PAX7: variants seen among roughly 807,000 people sequenced by gnomAD.
The protein encoded by PAX7 is paired box protein Pax-7.
PAX7 carries 18 observed loss-of-function variants against 50.7 expected under a neutral mutation model. The observed-to-expected ratio is 0.36, with a 90% CI of 0.25 to 0.53. The LOEUF (loss-of-function observed/expected upper bound fraction) is 0.53. Among genes scored for constraint, PAX7 ranks in the 20% least tolerant of loss-of-function variants. The pLI is 0.93. For synonymous variants in PAX7, 310 were observed against 290.4 expected (o/e 1.07, Z -0.69); for missense variants, 644 against 702.9 (o/e 0.92, Z 0.95).
At chr1:18,725,289 C>T (rs1304640921) in intron 7 of PAX7, among the ~76,000 whole-genome samples, 1 of 129,592 alleles carries the variant, frequency 7.7e-6, no homozygotes, top group Non-Finnish European at 1.6e-5. Flanking sequence ...CCACCAATTA[C>T]AGAGGTGGAG....
intron 4 of PAX7, among the ~76,000 whole-genome samples, chr1:18,653,187 A>ATT (rs5772811): frequency 7.0e-6 from 1 of 143,370 alleles, no homozygotes; most frequent in African/African-American, 2.6e-5. Flanking sequence ...GGTTTTTTTC[A>ATT]TTTTTTTTTT....
At chr1:18,651,074 T>C (rs2088423332) in intron 4 of PAX7, among the ~76,000 whole-genome samples, 1 of 152,080 alleles carries the variant, frequency 6.6e-6, no homozygotes, top group South Asian at 2.1e-4. Flanking sequence ...AGACCCAGGT[T>C]CCTCCCCATT....
At chr1:18,716,402 A>G (rs1366747811) in intron 7 of PAX7, among the ~76,000 whole-genome samples, 8 of 148,010 alleles carry the variant, frequency 5.4e-5, no homozygotes, top group Admixed American at 2.7e-4. Flanking sequence ...CCTGCCTTTC[A>G]CTTTCTCCTC....
intron 4 of PAX7, among the ~76,000 whole-genome samples, chr1:18,656,351 T>C (rs2088520768): frequency 6.6e-6 from 1 of 151,642 alleles, no homozygotes; most frequent in Admixed American, 6.6e-5. Context: ...AAAAACAAAT[T>C]AGCCAGGTGA....
intron 5 of PAX7, among the ~76,000 whole-genome samples, chr1:18,696,861 C>T (rs1305698854): frequency 1.3e-5 from 2 of 151,812 alleles, no homozygotes; most frequent in Admixed American, 6.6e-5. Context: ...TGACTATAGT[C>T]AATAATAAGT....
At chr1:18,637,890 G>A (rs1333203239) in intron 4 of PAX7, among the ~76,000 whole-genome samples, 1 of 152,246 alleles carries the variant, frequency 6.6e-6, no homozygotes, top group Non-Finnish European at 1.5e-5. Flanking sequence ...CCTGCCGAGG[G>A]GCCACGGGTC....
chr1:18,735,872 G>A lies in PAX7; in HGVS notation c.1396G>A (p.Gly466Ser), dbSNP rs574538588. The A allele has an allele frequency of 3.0e-5, 48 of 1,614,114 alleles. No individual in the cohort carries two copies. The highest frequency in any genetic ancestry group is 3.0e-4 in the South Asian group (27 of 91,080). Residue 466 changes from glycine (G) to serine (S), a missense_variant, in exon 8 of 9, where the codon GGC (glycine) becomes AGC (serine). Transcript: ENST00000420770. This position sits in a 1 kb window ranked among gnomAD's most constrained non-coding sequence, Gnocchi z 4.0. ...PVAGYQYGQYGQTAVDYLAKN... is the reference protein window; with the variant it reads ...PVAGYQYGQYSQTAVDYLAKN... ...GGCCGGCTATCAGTACGGCCAGTAC[G>A]GCCAGAGTGAGTGCCTGGTGCCCTG... is the stretch of plus-strand genomic sequence containing the variant.
intron 4 of PAX7, among the ~76,000 whole-genome samples, chr1:18,672,767 G>A (rs1452799888): frequency 1.3e-5 from 2 of 151,828 alleles, no homozygotes; most frequent in East Asian, 1.9e-4. Flanking sequence ...TACCACGCCC[G>A]GCTAATTTTT....
intron 4 of PAX7, among the ~76,000 whole-genome samples, chr1:18,637,789 C>T (rs902253580): frequency 6.6e-6 from 1 of 152,278 alleles, no homozygotes; most frequent in Non-Finnish European, 1.5e-5. Context: ...CATTGACAGA[C>T]AGGGCCCCTA....
intron 7 of PAX7, among the ~76,000 whole-genome samples, chr1:18,733,677 T>TC (rs1004587248): frequency 6.6e-6 from 1 of 151,828 alleles, no homozygotes; most frequent in Non-Finnish European, 1.5e-5. Flanking sequence ...GACCTAAGCT[T>TC]CCCCCAGAGC....
At chr1:18,688,114 C>T (rs944400346) in intron 4 of PAX7, among the ~76,000 whole-genome samples, 4 of 152,212 alleles carry the variant, frequency 2.6e-5, no homozygotes, top group African/African-American at 9.6e-5. Flanking sequence ...AACTCTATAT[C>T]TTGTCCTATT....
chr1:18,663,741 C>T (rs114076075), intron 4 of PAX7, among the ~76,000 whole-genome samples: 1,849 of 152,296 alleles, frequency 0.012, 17 homozygotes, highest in South Asian at 0.022. Flanking sequence ...ATTTGGGGTA[C>T]GTGGAGGAAC....
chr1:18,744,955 C>A lies in PAX7; in HGVS notation c.*26C>A. On this transcript the variant is annotated 3_prime_UTR_variant, in exon 9 of 9. Coordinates refer to ENST00000420770, the MANE Select transcript of PAX7 (RefSeq NM_001135254.2). ...GGCCCCTGGGGCGACTTGCCCCAGCCCAATTCCCAGCCCAACCCTAACTGA... is the reference window on the plus strand; with the variant it reads ...GGCCCCTGGGGCGACTTGCCCCAGCACAATTCCCAGCCCAACCCTAACTGA... The A allele has an allele frequency of 1.5e-6, 2 of 1,341,618 alleles. No individual in the cohort carries two copies. Among genetic ancestry groups the A allele is most frequent in the Non-Finnish European group, 2.1e-6 (2 of 955,830 alleles). The allele number at this position is 1,341,618 out of a possible 1,614,324, so 83.1% of individuals were successfully genotyped here. A position where few individuals can be genotyped will look rare whatever the true frequency, so the allele number is the denominator to read the frequency against.
At chr1:18,663,486 G>A (rs925950393) in intron 4 of PAX7, among the ~76,000 whole-genome samples, 7 of 152,170 alleles carry the variant, frequency 4.6e-5, no homozygotes, top group Non-Finnish European at 4.4e-5. Context: ...ATGTTCAAAC[G>A]ATTCTTGTGC....
At chr1:18,664,698 C>T (rs1351628412) in intron 4 of PAX7, among the ~76,000 whole-genome samples, 2 of 152,078 alleles carry the variant, frequency 1.3e-5, no homozygotes, top group Non-Finnish European at 1.5e-5. Context: ...GAGGCAGGGG[C>T]AGCTTGGGAC....
chr1:18,638,168 T>C (rs953447887), intron 4 of PAX7, among the ~76,000 whole-genome samples: 23 of 152,214 alleles, frequency 1.5e-4, no homozygotes, highest in Admixed American at 1.2e-3. Context: ...GAGACTTTAA[T>C]TGTGTTTGCA....
At position 18,726,792 on chromosome 1, in the gene PAX7, C is replaced by T. The variant is rs1335090326; in HGVS notation, c.1156-8840C>T. On this transcript the variant is annotated intron_variant, in intron 7 of 8. Coordinates refer to ENST00000420770, the MANE Select transcript of PAX7 (RefSeq NM_001135254.2). The surrounding 1 kb of genome is among the most constrained non-coding windows in gnomAD (Gnocchi z 4.8). ...CCCTCTGCTTTCCTCTTCACTCAGA[C>T]AGAGCCGGCCTCATGAGTCTTTCCA... Among the ~76,000 whole-genome samples, 1 of 152,218 alleles carries T rather than the reference C, an allele frequency of 6.6e-6. No homozygotes were observed. Among genetic ancestry groups the T allele is most frequent in the East Asian group, 1.9e-4 (1 of 5,198 alleles).
intron 4 of PAX7, among the ~76,000 whole-genome samples, chr1:18,642,121 CACATT>C (rs1341747559): frequency 6.6e-6 from 1 of 151,144 alleles, no homozygotes; most frequent in African/African-American, 2.4e-5. Context: ...ATAGTTGTCA[CACATT>C]ACATTATATA....
chr1:18,631,728 C>G (rs995314620), intron 1 of PAX7, 40 bp downstream of exon 1: 1 of 1,541,520 alleles, frequency 6.5e-7, no homozygotes, highest in African/African-American at 1.4e-5. Flanking sequence ...ACTCCGCCGC[C>G]CGGAACTCGG....
Sources: allele counts gnomAD v4.1 joint callset (sites outside exome capture counted in the v4.1 genomes callset), GRCh38; gene constraint gnomAD v4.1.1; non-coding constraint Gnocchi (gnomAD v3.1); transcripts MANE v1.5; gene names NCBI Gene and HGNC (gene_info 2026-07-23, HGNC 2026-07-21).